The following VEZT variants were observed in gnomAD, a reference collection of about 807,000 sequenced individuals.
VEZT encodes the protein vezatin, adherens junctions transmembrane protein.
VEZT carries 39 observed loss-of-function variants against 79.9 expected under a neutral mutation model. That is an observed-to-expected ratio of 0.49 (90% CI 0.38 to 0.64). The LOEUF is 0.64. Among genes scored for constraint, VEZT ranks in the 30% least tolerant of loss-of-function variants. The pLI is 0.00. For synonymous variants in VEZT, 325 were observed against 327.6 expected (o/e 0.99, Z 0.09); for missense variants, 837 against 893.1 (o/e 0.94, Z 0.80).
chr12:95,217,824 C>T lies in VEZT; in HGVS notation c.-27C>T. The T allele has an allele frequency of 1.3e-6, 2 of 1,548,950 alleles. No individual in the cohort carries two copies. The highest frequency in any genetic ancestry group is 1.7e-6 in the Non-Finnish European group (2 of 1,152,472). ...ACTCCCGCCTTCATTTCCCATCGTGCTGAGGCGGGTGGCATGGCGGAGAAG... is the reference window on the plus strand; with the variant it reads ...ACTCCCGCCTTCATTTCCCATCGTGTTGAGGCGGGTGGCATGGCGGAGAAG... On this transcript the variant is annotated 5_prime_UTR_variant, in exon 1 of 12. Transcript: ENST00000436874.
At chr12:95,290,097 A>G (rs749618724) in intron 9 of VEZT, among the ~76,000 whole-genome samples, 8 of 152,322 alleles carry the variant, frequency 5.3e-5, no homozygotes, top group African/African-American at 1.4e-4. Flanking sequence ...AACCCATTCA[A>G]ATTTCCCTGA....
At chr12:95,256,550 T>TA in intron 2 of VEZT, 1 of 1,284,992 alleles carries the variant, frequency 7.8e-7, no homozygotes, top group Non-Finnish European at 1.0e-6. Context: ...CCCTTTGCAG[T>TA]ACCTGGGATA....
intron 1 of VEZT, among the ~76,000 whole-genome samples, chr12:95,219,861 T>C (rs1222087180): frequency 6.6e-6 from 1 of 152,162 alleles, no homozygotes; most frequent in Non-Finnish European, 1.5e-5. Context: ...TTAATTTACA[T>C]TTTATGCATT....
At chr12:95,274,421 G>T (rs1412849070) in intron 6 of VEZT, among the ~76,000 whole-genome samples, 1 of 152,256 alleles carries the variant, frequency 6.6e-6, no homozygotes, top group East Asian at 1.9e-4. Context: ...AGCCGGGTTG[G>T]TGCCACTGCA....
At chr12:95,290,770 G>A (rs1337845658) in intron 9 of VEZT, 4 of 152,174 alleles carry the variant, frequency 2.6e-5, no homozygotes, top group African/African-American at 9.6e-5. Flanking sequence ...TAAGGATGAT[G>A]TACAAATTCA....
intron 3 of VEZT, 45 bp from the exon 4 acceptor site, chr12:95,262,861 A>G (rs1293445425): frequency 1.4e-6 from 2 of 1,447,952 alleles, no homozygotes; most frequent in African/African-American, 1.4e-5. Flanking sequence ...TTAATGCAAT[A>G]TTATATATGT....
chr12:95,254,526 T>C (rs2063158149), intron 2 of VEZT, among the ~76,000 whole-genome samples: 1 of 151,932 alleles, frequency 6.6e-6, no homozygotes, highest in Non-Finnish European at 1.5e-5. Context: ...TTTGTATTTT[T>C]AGTAGAGATG....
rs181469360 is a variant in VEZT at position 95,266,700 on chromosome 12, C to A, written c.710+68C>A. The A allele has an allele frequency of 6.0e-4, 846 of 1,413,844 alleles. 2 individuals carry two copies. Among genetic ancestry groups the A allele is most frequent in the Non-Finnish European group, 6.3e-4 (680 of 1,071,244 alleles). 87.6% of individuals were successfully genotyped at this position (1,413,844 alleles called of 1,614,324 possible). On this transcript the variant is annotated intron_variant, in intron 5 of 11. Coordinates refer to ENST00000436874, the MANE Select transcript of VEZT (RefSeq NM_017599.4). ...ATTCCATAAAGGAGAATATTTATTACCTATTTTCATTTCTATGTTGCATTT... is the reference window on the plus strand; with the variant it reads ...ATTCCATAAAGGAGAATATTTATTAACTATTTTCATTTCTATGTTGCATTT...
At chr12:95,291,644 C>T (rs1028405518) in intron 9 of VEZT, among the ~76,000 whole-genome samples, 19 of 152,228 alleles carry the variant, frequency 1.2e-4, no homozygotes, top group African/African-American at 4.1e-4. Flanking sequence ...GCAGATTTGG[C>T]AAGCCCCTGC....
chr12:95,227,397 A>G (rs1294726445), intron 1 of VEZT, among the ~76,000 whole-genome samples: 2 of 148,356 alleles, frequency 1.3e-5, no homozygotes, highest in African/African-American at 5.0e-5. Flanking sequence ...CTGGAGTGCA[A>G]TGGCGTGATC....
chr12:95,267,764 G>A (rs1434692712), intron 5 of VEZT, among the ~76,000 whole-genome samples: 1 of 152,150 alleles, frequency 6.6e-6, no homozygotes, highest in African/African-American at 2.4e-5. Flanking sequence ...GCTCACACCC[G>A]TAATCCCAGC....
rs1448086856 is a variant in VEZT at position 95,235,708 on chromosome 12, G to A, written c.37-16232G>A. ...CCTCCCGGACGGGGCGGCTGGCCGG[G>A]CGGGGGGCTGACCCCCACCTCCCTC... On this transcript the variant is annotated intron_variant, in intron 1 of 11. Transcript: ENST00000436874. 9.3e-5 allele frequency among the ~76,000 whole-genome samples: 14 copies of A among 150,612 alleles called. 1 individual carries two copies. The highest frequency in any genetic ancestry group is 3.5e-3 in the Middle Eastern group (1 of 284).
intron 1 of VEZT, among the ~76,000 whole-genome samples, chr12:95,241,039 T>C (rs1397147082): frequency 2.0e-5 from 3 of 151,802 alleles, no homozygotes; most frequent in Non-Finnish European, 4.4e-5. Flanking sequence ...TTTTTTTGTT[T>C]TGTTTTTGTT....
In VEZT at chr12:95,285,085, C is replaced by CAA. The variant is rs1165581329; in HGVS notation, c.1328+2463_1328+2464dup. Among the ~76,000 whole-genome samples, 374 of 43,574 alleles carry CAA rather than the reference C, an allele frequency of 8.6e-3. 1 individual carries two copies. The highest frequency in any genetic ancestry group is 9.3e-3 in the African/African-American group (103 of 11,054). The allele number at this position is 43,574 out of a possible 152,430, so 28.6% of individuals were successfully genotyped here. A position where few individuals can be genotyped will look rare whatever the true frequency, so the allele number is the denominator to read the frequency against. ...TGGGTGACAGAGCAAGACTCTGTCT[C>CAA]AAAAAAAAAAAAAAAAAAAAAAAGT... On this transcript the variant is annotated intron_variant, in intron 8 of 11. Coordinates refer to ENST00000436874, the MANE Select transcript of VEZT (RefSeq NM_017599.4).
At chr12:95,276,028 G>A (rs998310678) in intron 7 of VEZT, among the ~76,000 whole-genome samples, 3 of 151,998 alleles carry the variant, frequency 2.0e-5, no homozygotes, top group African/African-American at 7.2e-5. Context: ...GATTCAGGGA[G>A]ACCTCACACA....
At chr12:95,224,944 A>G (rs2058200244) in intron 1 of VEZT, among the ~76,000 whole-genome samples, 1 of 152,164 alleles carries the variant, frequency 6.6e-6, no homozygotes, top group Admixed American at 6.5e-5. Flanking sequence ...CACATTTCAC[A>G]ATAGGGTTCC....
At chr12:95,265,339 T>A (rs1273668670) in intron 4 of VEZT, among the ~76,000 whole-genome samples, 1 of 151,668 alleles carries the variant, frequency 6.6e-6, no homozygotes, top group African/African-American at 2.4e-5. Context: ...GTATGTATAT[T>A]CCAAATTGAT....
chr12:95,236,775 C>T (rs1000595588), intron 1 of VEZT, among the ~76,000 whole-genome samples: 2 of 151,932 alleles, frequency 1.3e-5, no homozygotes, highest in African/African-American at 4.8e-5. Flanking sequence ...TTAGTAGAGA[C>T]GGGGTTTCAC....
chr12:95,270,595 T>C (rs1462472461), intron 6 of VEZT, among the ~76,000 whole-genome samples: 3 of 152,244 alleles, frequency 2.0e-5, no homozygotes, highest in African/African-American at 7.2e-5. Context: ...GCAGAATGGC[T>C]AAGTTCAAAC....
Sources: gnomAD v4.1 joint callset for allele counts (sites outside exome capture counted in the v4.1 genomes callset) on GRCh38, gnomAD v4.1.1 for gene constraint, MANE v1.5 for transcripts, NCBI Gene and HGNC (gene_info 2026-07-23, HGNC 2026-07-21) for gene names.